KITLG: variants seen among roughly 807,000 people sequenced by gnomAD.
KITLG encodes c-Kit ligand.
In KITLG, 13 loss-of-function variants were observed where a neutral mutation model predicts 34.1. The observed-to-expected ratio is 0.38, with a 90% CI of 0.25 to 0.61. The LOEUF (loss-of-function observed/expected upper bound fraction) is 0.61. KITLG is among the 20% of genes least tolerant of loss of function. The pLI is 0.60. For missense variants in KITLG, 292 were observed against 318.9 expected, an observed-to-expected ratio of 0.92 and a Z score of 0.64; for synonymous variants, 110 against 104.0, an observed-to-expected ratio of 1.06 and a Z score of -0.35.
chr12:88,557,708 C>T (rs1472899), intron 1 of KITLG, among the ~76,000 whole-genome samples: 99,559 of 151,930 alleles, frequency 0.66, 36,439 homozygotes, highest in Middle Eastern at 0.85. Flanking sequence ...AGAAATAAGA[C>T]GAGCAGACCT....
chr12:88,554,496 T>C (rs1566032524), intron 1 of KITLG, among the ~76,000 whole-genome samples: 1 of 152,164 alleles, frequency 6.6e-6, no homozygotes, highest in Admixed American at 6.5e-5. Context: ...TAATCCTGCA[T>C]ACCAGCTATT....
At chr12:88,550,581 A>C (rs1236534562) in intron 1 of KITLG, among the ~76,000 whole-genome samples, 1 of 152,190 alleles carries the variant, frequency 6.6e-6, no homozygotes, top group East Asian at 1.9e-4. Flanking sequence ...GAAAAAAATA[A>C]CTTTCATATA....
rs11830019 is a variant in KITLG, at chr12:88,545,266, C to G, written c.129+486G>C. Among the ~76,000 whole-genome samples, 778 of 152,316 alleles carry G rather than the reference C, an allele frequency of 5.1e-3. 5 individuals carry two copies. The highest frequency in any genetic ancestry group is 0.013 in the African/African-American group (557 of 41,564). The stretch of plus-strand genomic sequence containing the variant: ...GGGCAATGAATCACCTCTCTATGTT[C>G]CCTGAAGGAGCAAACACCCACTGAC... On this transcript the variant is annotated intron_variant, in intron 2 of 9. Coordinates refer to ENST00000644744, the MANE Select transcript of KITLG (RefSeq NM_000899.5).
chr12:88,560,846 T>C (rs905727611), intron 1 of KITLG, among the ~76,000 whole-genome samples: 3 of 151,176 alleles, frequency 2.0e-5, no homozygotes, highest in Non-Finnish European at 4.4e-5. Flanking sequence ...CATGCGCCTG[T>C]AGTCCCAGCT....
intron 1 of KITLG, among the ~76,000 whole-genome samples, chr12:88,549,649 G>A (rs1473767496): frequency 1.3e-5 from 2 of 152,172 alleles, no homozygotes; most frequent in African/African-American, 2.4e-5. Context: ...TTAAGTTTAA[G>A]ATGTCTTTGA....
intron 3 of KITLG, among the ~76,000 whole-genome samples, chr12:88,523,509 G>A (rs1869755257): frequency 6.6e-6 from 1 of 152,208 alleles, no homozygotes; most frequent in Non-Finnish European, 1.5e-5. Flanking sequence ...AAATCTCTTT[G>A]GAATAGAAAT....
At chr12:88,571,769 A>G (rs1222531641) in intron 1 of KITLG, among the ~76,000 whole-genome samples, 1 of 152,134 alleles carries the variant, frequency 6.6e-6, no homozygotes, top group African/African-American at 2.4e-5. Flanking sequence ...TGAACATCTG[A>G]GTTGCATTTG....
chr12:88,502,523 G>A (rs1376893640), intron 9 of KITLG, among the ~76,000 whole-genome samples: 5 of 152,144 alleles, frequency 3.3e-5, no homozygotes, highest in African/African-American at 9.7e-5. Context: ...AACAATGCAC[G>A]GGCAGCAAGT....
chr12:88,502,369 A>C (rs984532091), intron 9 of KITLG, among the ~76,000 whole-genome samples: 6 of 152,142 alleles, frequency 3.9e-5, no homozygotes, highest in Middle Eastern at 3.2e-3. Flanking sequence ...AATCCAACCC[A>C]ATACATTAAA....
chr12:88,516,691 G>C (rs564961698), intron 4 of KITLG, among the ~76,000 whole-genome samples: 1 of 151,526 alleles, frequency 6.6e-6, no homozygotes, highest in East Asian at 1.9e-4. Context: ...GTTGAATCTG[G>C]GGCAGTGAAC....
intron 1 of KITLG, among the ~76,000 whole-genome samples, chr12:88,551,544 A>C (rs763433584): frequency 1.3e-5 from 2 of 152,230 alleles, no homozygotes; most frequent in Non-Finnish European, 2.9e-5. Flanking sequence ...AAGTGGTTCC[A>C]AATTACTGTA....
At chr12:88,572,961 G>T (rs950770537) in intron 1 of KITLG, among the ~76,000 whole-genome samples, 1 of 152,038 alleles carries the variant, frequency 6.6e-6, no homozygotes, top group African/African-American at 2.4e-5. Context: ...CTAAAGTTGC[G>T]AGAAATCCAA....
chr12:88,524,932 A>G (rs1869809452), intron 3 of KITLG, among the ~76,000 whole-genome samples: 2 of 152,160 alleles, frequency 1.3e-5, no homozygotes, highest in South Asian at 2.1e-4. Context: ...ATAGGAGTGG[A>G]GCCTCAGAAT....
intron 8 of KITLG, among the ~76,000 whole-genome samples, chr12:88,505,743 A>G (rs1158161342): frequency 6.6e-6 from 1 of 152,188 alleles, no homozygotes; most frequent in African/African-American, 2.4e-5. Context: ...AAAGATATAT[A>G]AAATATACAA....
rs552218585 is a variant in KITLG, at chr12:88,509,332, C to A, written c.605-2195G>T. Among the ~76,000 whole-genome samples the A allele has an allele frequency of 2.0e-5, 3 of 152,176 alleles. No homozygotes were observed. The East Asian group carries it at 5.8e-4, about 29-fold the overall frequency. Reference sequence around the variant, plus strand: ...TCACCACTCAGACCAAAGGAAAGACCAGACTCAAAAGCAAAAAGCAGCTTA... The same window carrying A: ...TCACCACTCAGACCAAAGGAAAGACAAGACTCAAAAGCAAAAAGCAGCTTA... On this transcript the variant is annotated intron_variant, in intron 6 of 9. Transcript: ENST00000644744.
intron 1 of KITLG, among the ~76,000 whole-genome samples, chr12:88,568,765 A>T (rs2046970): frequency 0.75 from 113,952 of 152,036 alleles, 47,736 homozygotes; most frequent in Middle Eastern, 0.93. Flanking sequence ...GTGATTGTGA[A>T]TCGTGATTAC....
At chr12:88,573,776 T>C (rs541962480) in intron 1 of KITLG, among the ~76,000 whole-genome samples, 17 of 152,254 alleles carry the variant, frequency 1.1e-4, no homozygotes, top group Non-Finnish European at 2.4e-4. Flanking sequence ...TCTGCAAAGG[T>C]GAACAAGGCT....
chr12:88,507,078 C>A lies in KITLG; in HGVS notation c.664G>T (p.Ala222Ser), dbSNP rs368986219. The A allele has an allele frequency of 3.1e-6, 5 of 1,613,684 alleles. No homozygotes were observed. The African/African-American group carries it at 5.3e-5, about 17-fold the overall frequency. ...SLHWAAMALP[A>S]LFSLIIGFAF... ...AAGCCAATTATAAGAGAAAACAATG[C>A]TGGCAATGCCATGGCTGCCCAGTGT... is the stretch of plus-strand genomic sequence containing the variant. The change falls in exon 7 of 10, where the codon GCA becomes TCA. Residue 222 changes from alanine (A) to serine (S), a missense_variant. Physicochemically the swap from Ala to Ser is moderately conservative, Grantham distance 99. Coordinates refer to ENST00000644744, the MANE Select transcript of KITLG (RefSeq NM_000899.5).
intron 3 of KITLG, among the ~76,000 whole-genome samples, chr12:88,530,935 G>T (rs184101954): frequency 6.6e-6 from 1 of 152,298 alleles, no homozygotes; most frequent in African/African-American, 2.4e-5. Flanking sequence ...TTGATGGACT[G>T]ATCCACAAAA....
Sources: gnomAD v4.1 joint callset for allele counts (sites outside exome capture counted in the v4.1 genomes callset) on GRCh38, gnomAD v4.1.1 for gene constraint, MANE v1.5 for transcripts, NCBI Gene and HGNC (gene_info 2026-07-23, HGNC 2026-07-21) for gene names.